PSMA6: variants seen among roughly 807,000 people sequenced by gnomAD.
PSMA6 encodes the protein proteasome 20S subunit alpha 6.
For missense variants in PSMA6, 170 were observed against 294.8 expected, an observed-to-expected ratio of 0.58 and a Z score of 3.10; for synonymous variants, 88 against 97.7, an observed-to-expected ratio of 0.90 and a Z score of 0.59.
At chr14:35,280,111 A>T (rs868575349) in intron 1 of PSMA6, among the ~76,000 whole-genome samples, 4 of 148,924 alleles carry the variant, frequency 2.7e-5, no homozygotes, top group African/African-American at 9.9e-5. Flanking sequence ...AGCCTGGGCG[A>T]CAGAGCAAGA....
chr14:35,285,610 C>CG (rs2051414764), intron 1 of PSMA6, among the ~76,000 whole-genome samples: 1 of 152,320 alleles, frequency 6.6e-6, no homozygotes, highest in East Asian at 1.9e-4. Context: ...GAGGAAGTGT[C>CG]TCTAGGCTAA....
At chr14:35,285,351 A>AC (rs1555335388) in intron 1 of PSMA6, among the ~76,000 whole-genome samples, 5 of 38,900 alleles carry the variant, frequency 1.3e-4, no homozygotes, top group African/African-American at 2.2e-4. Flanking sequence ...AAAAAAACAA[A>AC]AAACAAAAAA....
upstream of PSMA6, among the ~76,000 whole-genome samples, chr14:35,291,613 C>T (rs2051481639): frequency 6.6e-6 from 1 of 151,964 alleles, no homozygotes; most frequent in African/African-American, 2.4e-5. Flanking sequence ...CACTTGGGCT[C>T]AGGAGTTCGA....
At chr14:35,288,405 C>G (rs1594374440), upstream of PSMA6, among the ~76,000 whole-genome samples, 1 of 152,108 alleles carries the variant, frequency 6.6e-6, no homozygotes, top group Admixed American at 6.6e-5. Flanking sequence ...GGCTGAGGCA[C>G]AAGAATCACT....
chr14:35,288,025 T>G (rs532665704), upstream of PSMA6, among the ~76,000 whole-genome samples: 1 of 152,384 alleles, frequency 6.6e-6, no homozygotes, highest in Admixed American at 6.5e-5. Flanking sequence ...ATATAAAATC[T>G]CTGACCTTTT....
intron 1 of PSMA6, among the ~76,000 whole-genome samples, chr14:35,283,863 T>C (rs2051394582): frequency 6.6e-6 from 1 of 152,204 alleles, no homozygotes; most frequent in Admixed American, 6.5e-5. Context: ...TGAGCCACCA[T>C]GTCCAGCCTT....
chr14:35,298,691 A>G (rs1428098243), intron 1 of PSMA6, among the ~76,000 whole-genome samples: 4 of 151,918 alleles, frequency 2.6e-5, no homozygotes, highest in Non-Finnish European at 5.9e-5. Context: ...ATCATTTTAA[A>G]ATGCTGCCCA....
chr14:35,304,314 G>A (rs1262793311), intron 1 of PSMA6, among the ~76,000 whole-genome samples: 1 of 152,130 alleles, frequency 6.6e-6, no homozygotes, highest in Non-Finnish European at 1.5e-5. Context: ...ATATACATAG[G>A]CGATGTGCAA....
chr14:35,288,199 A>G (rs2051441010), upstream of PSMA6, among the ~76,000 whole-genome samples: 2 of 152,218 alleles, frequency 1.3e-5, no homozygotes, highest in Admixed American at 1.3e-4. Context: ...ACACTGGTGA[A>G]CAAAACAGAT....
intron 1 of PSMA6, among the ~76,000 whole-genome samples, chr14:35,305,909 C>T (rs2051815947): frequency 6.7e-6 from 1 of 150,322 alleles, no homozygotes; most frequent in Admixed American, 6.6e-5. Flanking sequence ...ATAGCAAGAC[C>T]CCATATCTAT....
At chr14:35,292,619 C>G in intron 1 of PSMA6, 67 bp downstream of exon 1, 1 of 1,575,972 alleles carries the variant, frequency 6.3e-7, no homozygotes, top group South Asian at 1.2e-5. Context: ...CTGGAGCGAG[C>G]AGACGCGGCC....
chr14:35,317,110 T>C (rs2052058161), intron 6 of PSMA6, 139 bp from the exon 7 acceptor site: 1 of 645,830 alleles, frequency 1.5e-6, no homozygotes, highest in Non-Finnish European at 2.7e-6. Flanking sequence ...GTATAGATTT[T>C]TTAAAGATTG....
chr14:35,303,453 G>C (rs578199366), intron 1 of PSMA6, among the ~76,000 whole-genome samples: 13 of 152,282 alleles, frequency 8.5e-5, no homozygotes, highest in African/African-American at 3.1e-4. Context: ...CAAAAAGACT[G>C]AGTTTTCTGT....
At chr14:35,299,232 C>T (rs1334254832) in intron 1 of PSMA6, among the ~76,000 whole-genome samples, 8 of 151,864 alleles carry the variant, frequency 5.3e-5, no homozygotes, top group Non-Finnish European at 7.4e-5. Flanking sequence ...TGGTGTTTCC[C>T]AGGCTGGTCT....
In PSMA6 at chr14:35,286,750, A is replaced by G. The variant is rs956332669; in HGVS notation, c.19+8032A>G. Among the ~76,000 whole-genome samples, 11 of 152,088 alleles carry G rather than the reference A, an allele frequency of 7.2e-5. 1 individual carries two copies. The highest frequency in any genetic ancestry group is 1.2e-4 in the African/African-American group (5 of 41,400). ...TGAGATAATCCAGGCCCAGAACCAC[A>G]CTGACTGGTTAGTAAGGGGATGGCA... is the stretch of plus-strand genomic sequence containing the variant. On this transcript the variant is annotated intron_variant, in intron 1 of 6. Coordinates refer to the PSMA6 transcript ENST00000540871.
intron 3 of PSMA6, among the ~76,000 whole-genome samples, chr14:35,309,900 A>C (rs1484835399): frequency 2.0e-5 from 3 of 152,136 alleles, no homozygotes; most frequent in African/African-American, 7.2e-5. Context: ...TGAACCCGGG[A>C]GGTAGAGGTT....
chr14:35,312,086 C>T (rs1172125109), intron 4 of PSMA6, among the ~76,000 whole-genome samples: 1 of 151,650 alleles, frequency 6.6e-6, no homozygotes, highest in Non-Finnish European at 1.5e-5. Flanking sequence ...TGTTTTTGGG[C>T]CAGGCACAGT....
chr14:35,317,231 C>A lies in PSMA6; in HGVS notation c.684-18C>A. ...ATTTTTTTTAAATCGTTGTTTTTTT[C>A]CCCCTTTTGCCTTCTAGGATTCTTA... On this transcript the variant is annotated intron_variant, in intron 6 of 6. Transcript: ENST00000261479. 1 of 1,609,000 alleles carries A rather than the reference C, an allele frequency of 6.2e-7. No homozygotes were observed. The highest frequency in any genetic ancestry group is 8.5e-7 in the Non-Finnish European group (1 of 1,176,092).
chr14:35,278,714 G>T, exon 1 of PSMA6: 1 of 1,534,508 alleles, frequency 6.5e-7, no homozygotes, highest in Non-Finnish European at 8.7e-7. Flanking sequence ...CAGGTCTTCG[G>T]AGAGGTAAGT....
Sources: allele counts gnomAD v4.1 joint callset (sites outside exome capture counted in the v4.1 genomes callset), GRCh38; gene constraint gnomAD v4.1.1; transcripts MANE v1.5; gene names NCBI Gene and HGNC (gene_info 2026-07-23, HGNC 2026-07-21).